The following PIGB variants were observed in gnomAD, a reference collection of about 807,000 sequenced individuals.
The protein encoded by PIGB is phosphatidylinositol glycan anchor biosynthesis class B, also known as GPI alpha-1,2-mannosyltransferase 3.
In PIGB, 58 loss-of-function variants were observed where a neutral mutation model predicts 68.4. The observed-to-expected ratio is 0.85, with a 90% CI of 0.69 to 1.06. The LOEUF (loss-of-function observed/expected upper bound fraction) is 1.06, where lower values mean the gene tolerates loss of function less well. Among genes scored for constraint, PIGB ranks in the 50% least tolerant of loss-of-function variants. PIGB has a pLI of 0.00. For missense variants in PIGB, 634 were observed against 655.8 expected (o/e 0.97, Z 0.36); for synonymous variants, 219 against 220.5 (o/e 0.99, Z 0.06).
chr15:55,353,652 G>C (rs751800011), intron 10 of PIGB, among the ~76,000 whole-genome samples: 1 of 151,966 alleles, frequency 6.6e-6, no homozygotes, highest in Non-Finnish European at 1.5e-5. Context: ...GCCCAGGCTG[G>C]AGTGCAGTGG....
rs944090793 is a variant in PIGB at position 55,332,598 on chromosome 15, C to T, written c.654-1269C>T. Among the ~76,000 whole-genome samples, 26 of 151,962 alleles carry T rather than the reference C, an allele frequency of 1.7e-4. 1 individual carries two copies. Among genetic ancestry groups the T allele is most frequent in the Admixed American group, 1.5e-3 (23 of 15,262 alleles). ...ATTTTGGCCAGACTGGTCTTGAACT[C>T]CTGACTTCAGGTGATCCACCCACCT... On this transcript the variant is annotated intron_variant, in intron 5 of 11. Transcript: ENST00000164305.
chr15:55,337,615 A>G (rs1367254521), intron 6 of PIGB, among the ~76,000 whole-genome samples: 2 of 152,134 alleles, frequency 1.3e-5, no homozygotes, highest in Non-Finnish European at 2.9e-5. Context: ...CTTTCAAGAA[A>G]CCAGACCCTG....
At chr15:55,352,209 A>G (rs2055941519) in intron 10 of PIGB, among the ~76,000 whole-genome samples, 1 of 152,004 alleles carries the variant, frequency 6.6e-6, no homozygotes, top group African/African-American at 2.4e-5. Flanking sequence ...CAGCCTCCCC[A>G]AAGCGCTGGG....
chr15:55,331,435 C>A (rs1010112032), intron 5 of PIGB, among the ~76,000 whole-genome samples: 32 of 151,960 alleles, frequency 2.1e-4, no homozygotes. Context: ...AACTATTGGC[C>A]GGGTGTGGTG....
chr15:55,322,019 A>C (rs2055180102), intron 3 of PIGB, among the ~76,000 whole-genome samples: 1 of 151,786 alleles, frequency 6.6e-6, no homozygotes, highest in Admixed American at 6.6e-5. Context: ...TACTAAAAAT[A>C]CAAAATTAGC....
At chr15:55,347,160 G>A (rs547925981) in intron 9 of PIGB, among the ~76,000 whole-genome samples, 7 of 152,352 alleles carry the variant, frequency 4.6e-5, no homozygotes, top group East Asian at 3.9e-4. Context: ...CTGGCTGGGC[G>A]CTGTGGCTCA....
chr15:55,338,898 A>G (rs1413424722), intron 6 of PIGB, among the ~76,000 whole-genome samples: 2 of 152,196 alleles, frequency 1.3e-5, no homozygotes, highest in Non-Finnish European at 2.9e-5. Flanking sequence ...CTTGACTACA[A>G]TTCATGAGCG....
intron 3 of PIGB, among the ~76,000 whole-genome samples, chr15:55,323,779 T>G (rs930225589): frequency 6.6e-6 from 1 of 152,236 alleles, no homozygotes; most frequent in Non-Finnish European, 1.5e-5. Flanking sequence ...AATTTAAAAT[T>G]CCACATGTGG....
intron 3 of PIGB, among the ~76,000 whole-genome samples, chr15:55,323,974 G>A (rs539483222): frequency 2.2e-4 from 34 of 152,280 alleles, no homozygotes; most frequent in East Asian, 2.1e-3. Flanking sequence ...TGTAACTGCC[G>A]CCTCCCGGGT....
chr15:55,344,954 G>A (rs1363377854), intron 9 of PIGB, among the ~76,000 whole-genome samples: 1 of 141,226 alleles, frequency 7.1e-6, no homozygotes, highest in African/African-American at 2.6e-5. Context: ...GGAGTGCAGT[G>A]GCGCAATCTC....
Position 55,329,742 on chromosome 15 carries a change from T to C in PIGB, c.541T>C (p.Ser181Pro). The C allele has an allele frequency of 6.2e-7, 1 of 1,610,546 alleles. No homozygotes were observed. The highest frequency in any genetic ancestry group is 8.5e-7 in the Non-Finnish European group (1 of 1,178,600). Residue 181 changes from serine to proline, a missense_variant, in exon 5 of 12, where the codon TCC (serine) becomes CCC (proline). By Grantham distance (74) the Ser-to-Pro change is moderately conservative (BLOSUM62 -1). Transcript: ENST00000164305. ...ARWVFFCQLC[S>P]WFTWYCCTRT... The stretch of plus-strand genomic sequence containing the variant: ...TTCTTAGTTTTTTTGCCAGTTGTGC[T>C]CCTGGTTCACATGGTATTGCTGTAC...
intron 3 of PIGB, among the ~76,000 whole-genome samples, chr15:55,324,188 T>G (rs2055228124): frequency 6.6e-6 from 1 of 152,082 alleles, no homozygotes; most frequent in African/African-American, 2.4e-5. Flanking sequence ...GGTCTTTGAA[T>G]AGTCAGAAGA....
At chr15:55,340,300 G>T in intron 7 of PIGB, 1 of 167,514 alleles carries the variant, frequency 6.0e-6, no homozygotes. Context: ...ACTAAAAATA[G>T]AAAAAATTAG....
intron 3 of PIGB, among the ~76,000 whole-genome samples, chr15:55,326,501 A>G (rs1221245692): frequency 6.6e-6 from 1 of 152,198 alleles, no homozygotes; most frequent in Non-Finnish European, 1.5e-5. Context: ...AGCATGATAC[A>G]TAGTACACAG....
At chr15:55,327,466 T>C in intron 3 of PIGB, 65 bp from the exon 4 acceptor site, 1 of 1,052,140 alleles carries the variant, frequency 9.5e-7, no homozygotes. Flanking sequence ...TGTTGACTTT[T>C]ATCATAATTC....
intron 9 of PIGB, chr15:55,343,245 A>G (rs769216935): frequency 2.0e-5 from 3 of 152,210 alleles, no homozygotes; most frequent in Admixed American, 6.5e-5. Flanking sequence ...AAACGCAGGC[A>G]CATACAAAAA....
intron 7 of PIGB, among the ~76,000 whole-genome samples, chr15:55,339,617 T>C (rs16976260): frequency 0.099 from 15,083 of 152,258 alleles, 1,018 homozygotes; most frequent in African/African-American, 0.19. Context: ...TGTAATGTTT[T>C]CAAAGCTTTA....
chr15:55,328,179 A>G (rs2055335028), intron 4 of PIGB, among the ~76,000 whole-genome samples: 1 of 152,242 alleles, frequency 6.6e-6, no homozygotes. Flanking sequence ...AAGAAAGTAT[A>G]GTATGCAAGA....
Position 55,350,911 on chromosome 15 carries a change from AG to A in PIGB, c.1337+1del, listed in dbSNP as rs778223726. 16 of 1,463,158 alleles carry A rather than the reference AG, an allele frequency of 1.1e-5. No homozygotes were observed. Among genetic ancestry groups the A allele is most frequent in the Non-Finnish European group, 1.9e-6 (2 of 1,048,702 alleles). The allele number at this position is 1,463,158 out of a possible 1,614,324, so 90.6% of individuals were successfully genotyped here. The stretch of plus-strand genomic sequence containing the variant: ...GCCTTGCCACTCTACTCCTTATTAC[AG>A]GTAATAAAAGATGTTCCACTATATG... ...MMPCHSTPYY[S>X]HVHCPLPMRF... On this transcript the variant is annotated frameshift_variant and splice_region_variant, in exon 10 of 12. Coordinates refer to ENST00000164305, the MANE Select transcript of PIGB (RefSeq NM_004855.5). LOFTEE classifies it high-confidence loss of function.
Sources: allele counts gnomAD v4.1 joint callset (sites outside exome capture counted in the v4.1 genomes callset), GRCh38; gene constraint gnomAD v4.1.1; transcripts MANE v1.5; gene names NCBI Gene and HGNC (gene_info 2026-07-23, HGNC 2026-07-21).